GNA12: variants seen among roughly 807,000 people sequenced by gnomAD.
GNA12 encodes guanine nucleotide-binding protein subunit alpha-12.
A neutral mutation model predicts 26.0 loss-of-function variants in GNA12; 9 were observed. That is an observed-to-expected ratio of 0.35 (90% CI 0.21 to 0.60). The LOEUF is 0.60. Ranked by LOEUF, GNA12 falls within the 20% of genes least tolerant of loss-of-function variation. The pLI is 0.78. For missense variants in GNA12, 405 were observed against 525.8 expected (o/e 0.77, Z 2.25); for synonymous variants, 264 against 219.6 (o/e 1.20, Z -1.79).
Position 2,844,216 on chromosome 7 carries a change from C to T in GNA12, c.-55G>A. 1.1e-6 allele frequency: 1 copy of T among 895,494 alleles called. No individual in the cohort carries two copies. 55.5% of individuals were successfully genotyped at this position (895,494 alleles called of 1,614,324 possible). A position where few individuals can be genotyped will look rare whatever the true frequency, so the allele number is the denominator to read the frequency against. On this transcript the variant is annotated 5_prime_UTR_variant, in exon 1 of 4. Coordinates refer to ENST00000275364, the MANE Select transcript of GNA12 (RefSeq NM_007353.3). ...GGCGCCCGGGGGCCATGGACGCTCC[C>T]GCCGGCGAGGGCGAGCCCGGGCCGA... is the stretch of plus-strand genomic sequence containing the variant.
intron 2 of GNA12, among the ~76,000 whole-genome samples, chr7:2,777,720 T>C (rs1242844074): frequency 1.3e-5 from 2 of 152,184 alleles, no homozygotes; most frequent in Non-Finnish European, 2.9e-5. Flanking sequence ...TCACAGCCTC[T>C]GAACTGTGAA....
At chr7:2,751,439 C>CA (rs1791035181) in intron 2 of GNA12, among the ~76,000 whole-genome samples, 1 of 147,274 alleles carries the variant, frequency 6.8e-6, no homozygotes, top group Non-Finnish European at 1.5e-5. Context: ...AAAAAATGAT[C>CA]AAAAATCACT....
intron 2 of GNA12, among the ~76,000 whole-genome samples, chr7:2,733,809 A>G (rs1459439683): frequency 6.6e-6 from 1 of 152,208 alleles, no homozygotes; most frequent in African/African-American, 2.4e-5. Flanking sequence ...CTTTCCAGAC[A>G]TGAAGGCTGG....
At chr7:2,766,542 T>A (rs562596165) in intron 2 of GNA12, among the ~76,000 whole-genome samples, 1 of 152,070 alleles carries the variant, frequency 6.6e-6, no homozygotes, top group South Asian at 2.1e-4. Flanking sequence ...CCCACCACCA[T>A]GCCCAGCTAA....
chr7:2,744,254 C>T (rs1227681396), intron 2 of GNA12, among the ~76,000 whole-genome samples: 1 of 152,238 alleles, frequency 6.6e-6, no homozygotes, highest in Non-Finnish European at 1.5e-5. Flanking sequence ...AGTAGCCTAA[C>T]TGGGAGGCAC....
At chr7:2,804,829 C>T (rs751888249) in intron 1 of GNA12, among the ~76,000 whole-genome samples, 8 of 151,570 alleles carry the variant, frequency 5.3e-5, no homozygotes, top group Admixed American at 1.3e-4. Flanking sequence ...GAAGCCGAGG[C>T]GGGAGGATCT....
intron 2 of GNA12, among the ~76,000 whole-genome samples, chr7:2,742,638 A>C (rs1790567090): frequency 6.6e-6 from 1 of 152,120 alleles, no homozygotes; most frequent in South Asian, 2.1e-4. Context: ...GTCAGCTGTC[A>C]ATGTCTACCC....
intron 2 of GNA12, among the ~76,000 whole-genome samples, chr7:2,754,472 G>A (rs1791194030): frequency 6.6e-6 from 1 of 152,038 alleles, no homozygotes; most frequent in Non-Finnish European, 1.5e-5. Context: ...GCAGGGCACG[G>A]TGGCTCACCC....
chr7:2,828,215 A>G (rs1793527280), intron 1 of GNA12, among the ~76,000 whole-genome samples: 1 of 152,246 alleles, frequency 6.6e-6, no homozygotes, highest in South Asian at 2.1e-4. Context: ...AACTTCCTGA[A>G]AACTGCAGAG....
At chr7:2,778,195 C>T (rs1163147945) in intron 2 of GNA12, among the ~76,000 whole-genome samples, 2 of 152,278 alleles carry the variant, frequency 1.3e-5, no homozygotes, top group Non-Finnish European at 2.9e-5. Context: ...TATTTCGCCA[C>T]AATTTTTTCA....
At chr7:2,773,632 G>A (rs540472488) in intron 2 of GNA12, among the ~76,000 whole-genome samples, 2 of 152,182 alleles carry the variant, frequency 1.3e-5, no homozygotes, top group East Asian at 3.8e-4. Context: ...ATTTGAAAAA[G>A]AGGACAAGCA....
At chr7:2,787,078 G>A (rs1434884324) in intron 2 of GNA12, among the ~76,000 whole-genome samples, 2 of 152,134 alleles carry the variant, frequency 1.3e-5, no homozygotes, top group Non-Finnish European at 2.9e-5. Flanking sequence ...GGGCTCCCCA[G>A]TAAGCACCCC....
chr7:2,783,095 T>A (rs561970955), intron 2 of GNA12, among the ~76,000 whole-genome samples: 13 of 152,334 alleles, frequency 8.5e-5, no homozygotes, highest in African/African-American at 2.9e-4. Context: ...AGGTCTGACC[T>A]GACCCCACCG....
At chr7:2,761,628 C>T (rs1244364493) in intron 2 of GNA12, among the ~76,000 whole-genome samples, 3 of 152,174 alleles carry the variant, frequency 2.0e-5, no homozygotes, top group South Asian at 2.1e-4. Context: ...CCCGAACCGG[C>T]CTCTCAGGAC....
intron 1 of GNA12, 35 bp downstream of exon 1, chr7:2,843,818 C>G: frequency 7.7e-7 from 1 of 1,303,660 alleles, no homozygotes; most frequent in Non-Finnish European, 1.0e-6. Flanking sequence ...CCCGGCCCAC[C>G]TGGGTGCAGG....
At chr7:2,752,502 G>A (rs573907700) in intron 2 of GNA12, among the ~76,000 whole-genome samples, 1 of 152,206 alleles carries the variant, frequency 6.6e-6, no homozygotes, top group South Asian at 2.1e-4. Flanking sequence ...TGGAAAGCAA[G>A]AAATAAAACA....
chr7:2,840,205 T>A (rs1325901149), intron 1 of GNA12, among the ~76,000 whole-genome samples: 2 of 152,174 alleles, frequency 1.3e-5, no homozygotes, highest in African/African-American at 4.8e-5. Flanking sequence ...GTATGTGGGA[T>A]CTCTACTATT....
intron 1 of GNA12, among the ~76,000 whole-genome samples, chr7:2,843,003 C>T (rs1407256532): frequency 2.0e-5 from 3 of 152,252 alleles, no homozygotes; most frequent in East Asian, 1.9e-4. Flanking sequence ...TTGAAGTTTT[C>T]GTATTAGAAA....
chr7:2,762,504 C>G, intron 2 of GNA12: 1 of 911,616 alleles, frequency 1.1e-6, no homozygotes, highest in South Asian at 2.0e-5. Context: ...TGTGAGTAGC[C>G]TAACTGTGGA....
Sources: allele counts gnomAD v4.1 joint callset (sites outside exome capture counted in the v4.1 genomes callset), GRCh38; gene constraint gnomAD v4.1.1; transcripts MANE v1.5; gene names NCBI Gene and HGNC (gene_info 2026-07-23, HGNC 2026-07-21).